LEMD1: variants seen among roughly 807,000 people sequenced by gnomAD.
LEMD1 encodes LEM domain-containing protein 1.
LEMD1 carries 18 observed loss-of-function variants against 17.4 expected under a neutral mutation model. The observed-to-expected ratio is 1.04, with a 90% CI of 0.72 to 1.54. LEMD1 has a LOEUF of 1.54. LEMD1 is among the 40% of genes most tolerant of loss of function. LEMD1 has a pLI of 0.00. For missense variants in LEMD1, 195 were observed against 210.4 expected (o/e 0.93, Z 0.45); for synonymous variants, 88 against 77.8 (o/e 1.13, Z -0.69).
chr1:205,411,995 T>C (rs1483893567), intron 4 of LEMD1, among the ~76,000 whole-genome samples: 3 of 152,180 alleles, frequency 2.0e-5, no homozygotes, highest in Non-Finnish European at 4.4e-5. Context: ...CTTCCAACCT[T>C]GGAACCGCTC....
Position 205,441,799 on chromosome 1 carries a change from C to T in LEMD1, c.-39+8069G>A, listed in dbSNP as rs1666297750. Among the ~76,000 whole-genome samples, 1 of 152,184 alleles carries T rather than the reference C, an allele frequency of 6.6e-6. No individual in the cohort carries two copies. Among genetic ancestry groups the T allele is most frequent in the African/African-American group, 2.4e-5 (1 of 41,444 alleles). On this transcript the variant is annotated intron_variant, in intron 1 of 3. Coordinates refer to the LEMD1 transcript ENST00000367154. The surrounding 1 kb of genome is among the most constrained non-coding windows in gnomAD (Gnocchi z 4.3). ...ATACAAAAGGGTAAAGACATGGTTTCTTCCCTGGCACATAAGTCTGAGGTA... is the reference window on the plus strand; with the variant it reads ...ATACAAAAGGGTAAAGACATGGTTTTTTCCCTGGCACATAAGTCTGAGGTA...
Position 205,400,428 on chromosome 1 carries a change from A to T in LEMD1, c.270+15804T>A, listed in dbSNP as rs1202607582. ...ATTACTAGCAGTGGGACACAGTGAC[A>T]TTGTTTGTCCCACGGCGATGTAATG... On this transcript the variant is annotated intron_variant, in intron 4 of 5. Coordinates refer to ENST00000367153, the MANE Select transcript of LEMD1 (RefSeq NM_001199050.2). Among the ~76,000 whole-genome samples the T allele has an allele frequency of 3.9e-5, 6 of 152,318 alleles. No individual in the cohort carries two copies. In the East Asian group the frequency reaches 9.6e-4, roughly 24 times the overall value.
chr1:205,395,072 T>C (rs756041529), intron 4 of LEMD1, among the ~76,000 whole-genome samples: 6 of 152,190 alleles, frequency 3.9e-5, no homozygotes, highest in Admixed American at 1.3e-4. Flanking sequence ...ACTGTGATTA[T>C]ATAAGTGATA....
Position 205,381,856 on chromosome 1 carries a change from C to T in LEMD1, c.348G>A (p.Arg116=), listed in dbSNP as rs367552693. The T allele has an allele frequency of 6.2e-6, 10 of 1,614,076 alleles. No homozygotes were observed. Among genetic ancestry groups the T allele is most frequent in the Non-Finnish European group, 7.6e-6 (9 of 1,179,996 alleles). The change falls in exon 6 of 6, where the codon AGG becomes AGA. Residue 116 remains arginine (R), a splice_region_variant and synonymous_variant. Coordinates refer to ENST00000367153, the MANE Select transcript of LEMD1 (RefSeq NM_001199050.2). ...CLDYKPSKGR[R]WAARAPSTRI... is the part of the protein sequence containing the mutation. ...TGGTGCTTGGTGCTCTTGCAGCCCA[C>T]CTGTGAAAACATCAGTGGCTCTTAG... is the stretch of plus-strand genomic sequence containing the variant.
At chr1:205,437,715 C>A (rs1046738417) in intron 1 of LEMD1, 1 of 152,218 alleles carries the variant, frequency 6.6e-6, no homozygotes, top group Non-Finnish European at 1.5e-5. Flanking sequence ...GCCCTGGACT[C>A]CAAAGGAGAC....
upstream of LEMD1, among the ~76,000 whole-genome samples, chr1:205,425,384 G>C (rs572018530): frequency 4.6e-5 from 7 of 152,132 alleles, no homozygotes; most frequent in Admixed American, 1.3e-4. Flanking sequence ...GGGGAGGTGC[G>C]GAGGGGGAGG....
chr1:205,402,755 G>C (rs1664910669), intron 4 of LEMD1, among the ~76,000 whole-genome samples: 1 of 149,830 alleles, frequency 6.7e-6, no homozygotes, highest in Non-Finnish European at 1.5e-5. Context: ...GGAGTGGTGA[G>C]AGAGGGCATC....
chr1:205,383,747 C>A (rs1445880390), intron 5 of LEMD1, among the ~76,000 whole-genome samples: 1 of 151,594 alleles, frequency 6.6e-6, no homozygotes, highest in East Asian at 1.9e-4. Context: ...AATTCCCCTG[C>A]CTCAGCCTCC....
intron 4 of LEMD1, among the ~76,000 whole-genome samples, chr1:205,410,828 C>T (rs1345987233): frequency 1.3e-5 from 2 of 150,858 alleles, no homozygotes; most frequent in Non-Finnish European, 2.9e-5. Context: ...GATGATGCCA[C>T]TGCACTCCAG....
chr1:205,438,896 C>T (rs535094015), intron 1 of LEMD1, among the ~76,000 whole-genome samples: 8 of 152,282 alleles, frequency 5.3e-5, no homozygotes, highest in East Asian at 1.9e-4. Context: ...GCCTGAGAGG[C>T]GCACAAGGGG....
At chr1:205,442,526 A>C (rs1300361639) in intron 1 of LEMD1, among the ~76,000 whole-genome samples, 2 of 152,140 alleles carry the variant, frequency 1.3e-5, no homozygotes, top group Non-Finnish European at 2.9e-5. Flanking sequence ...TGCCCGGTGG[A>C]TCCAAGTCCT....
intron 4 of LEMD1, among the ~76,000 whole-genome samples, chr1:205,409,855 C>T (rs1182274968): frequency 6.6e-6 from 1 of 152,090 alleles, no homozygotes; most frequent in East Asian, 1.9e-4. Context: ...TCACTGCAAC[C>T]TCCACCTCCT....
chr1:205,381,545 G>A lies in LEMD1; in HGVS notation c.*113C>T. 1 of 1,023,956 alleles carries A rather than the reference G, an allele frequency of 9.8e-7. No homozygotes were observed. The highest frequency in any genetic ancestry group is 1.5e-6 in the Non-Finnish European group (1 of 659,490). 63.4% of individuals were successfully genotyped at this position (1,023,956 alleles called of 1,614,324 possible). On this transcript the variant is annotated 3_prime_UTR_variant, in exon 6 of 6. Transcript: ENST00000367153. ...TCTGTGAGAGCAGCACAGTGCAAGG[G>A]AAGGCTCCCTGCAAGGGAGGGCTGC...
Position 205,428,334 on chromosome 1 carries a change from C to T in LEMD1, c.-38-7760G>A, listed in dbSNP as rs147088964. Among the ~76,000 whole-genome samples, 504 of 152,106 alleles carry T rather than the reference C, an allele frequency of 3.3e-3. 9 individuals are homozygous for T. The highest frequency in any genetic ancestry group is 4.3e-3 in the Non-Finnish European group (292 of 68,006). ...TTGAGAAAGAGCCCTTGAGGTGCTA[C>T]GGAGGGGATGAGAGGAAGGGTGCAG... On this transcript the variant is annotated intron_variant, in intron 1 of 3. Coordinates refer to the LEMD1 transcript ENST00000367154.
Position 205,409,666 on chromosome 1 carries a change from A to G in LEMD1, c.270+6566T>C, listed in dbSNP as rs546171531. On this transcript the variant is annotated intron_variant, in intron 4 of 5. Transcript: ENST00000367153. ...CCCAGGCTGGAGTACAGTGGCATGA[A>G]CTTGGCTCACTGCAGCCTCAACCTC... Among the ~76,000 whole-genome samples the G allele has an allele frequency of 3.3e-5, 5 of 151,810 alleles. No homozygotes were observed. The South Asian group carries it at 6.3e-4, about 19-fold the overall frequency.
chr1:205,436,675 A>C (rs1666212863), intron 1 of LEMD1: 1 of 152,164 alleles, frequency 6.6e-6, no homozygotes, highest in African/African-American at 2.4e-5. Flanking sequence ...CCTTGGGAAC[A>C]GATTCTGTTT....
intron 3 of LEMD1, 59 bp downstream of exon 3, chr1:205,419,171 C>G (rs987941873): frequency 1.3e-6 from 2 of 1,582,000 alleles, no homozygotes; most frequent in African/African-American, 1.4e-5. Context: ...ATAAATCATG[C>G]TGGACAAGGT....
chr1:205,412,525 T>C (rs1483220848), intron 4 of LEMD1, among the ~76,000 whole-genome samples: 1 of 152,206 alleles, frequency 6.6e-6, no homozygotes, highest in Non-Finnish European at 1.5e-5. Context: ...TTCAAAGAAA[T>C]GCAAATACTA....
intron 5 of LEMD1, among the ~76,000 whole-genome samples, chr1:205,383,949 ATTT>A (rs112731126): frequency 9.9e-5 from 13 of 130,758 alleles, no homozygotes; most frequent in Non-Finnish European, 1.5e-4. Context: ...TATCCTTTAC[ATTT>A]TTTTTTTTTT....
Sources: allele counts gnomAD v4.1 joint callset (sites outside exome capture counted in the v4.1 genomes callset), GRCh38; gene constraint gnomAD v4.1.1; non-coding constraint Gnocchi (gnomAD v3.1); transcripts MANE v1.5; gene names NCBI Gene and HGNC (gene_info 2026-07-23, HGNC 2026-07-21).